TNIK: variants seen among roughly 807,000 people sequenced by gnomAD.
The protein encoded by TNIK is TRAF2 and NCK interacting kinase.
In TNIK, 49 loss-of-function variants were observed where a neutral mutation model predicts 191.3. That is an observed-to-expected ratio of 0.26 (90% CI 0.20 to 0.32). The LOEUF is 0.32. Ranked by LOEUF, TNIK falls within the 10% of genes least tolerant of loss-of-function variation. The pLI is 1.00. For missense variants in TNIK, 1,155 were observed against 1,702.3 expected (o/e 0.68, Z 5.66); for synonymous variants, 594 against 600.9 (o/e 0.99, Z 0.17).
chr3:171,116,284 G>T (rs546150341), intron 18 of TNIK, among the ~76,000 whole-genome samples: 2 of 152,318 alleles, frequency 1.3e-5, no homozygotes, highest in Admixed American at 1.3e-4. Flanking sequence ...AGAATCCCAT[G>T]AAATAATAGA....
chr3:171,358,802 A>G (rs1004686876), intron 2 of TNIK, among the ~76,000 whole-genome samples: 9 of 152,190 alleles, frequency 5.9e-5, no homozygotes, highest in African/African-American at 1.7e-4. Context: ...AGGAACGCCA[A>G]CGTAAGGACA....
At chr3:171,103,703 TAAAGAGA>T (rs1723995982) in intron 21 of TNIK, among the ~76,000 whole-genome samples, 1 of 152,236 alleles carries the variant, frequency 6.6e-6, no homozygotes, top group African/African-American at 2.4e-5. Flanking sequence ...TTATATAATT[TAAAGAGA>T]GAATATGGTT....
chr3:171,342,327 C>T (rs1262472175), intron 2 of TNIK, among the ~76,000 whole-genome samples: 1 of 152,170 alleles, frequency 6.6e-6, no homozygotes, highest in African/African-American at 2.4e-5. Context: ...ATTTTGAGAA[C>T]CACTGGTCTA....
chr3:171,438,077 A>G (rs1428836278), intron 1 of TNIK, among the ~76,000 whole-genome samples: 3 of 152,216 alleles, frequency 2.0e-5, no homozygotes, highest in Admixed American at 6.5e-5. Context: ...CTTGTCGCCA[A>G]TAAAAATTCA....
At chr3:171,116,221 GC>G (rs1461784374) in intron 18 of TNIK, among the ~76,000 whole-genome samples, 5 of 152,070 alleles carry the variant, frequency 3.3e-5, no homozygotes, top group East Asian at 1.9e-4. Context: ...AAATGATCTG[GC>G]CTTGGGGCTG....
chr3:171,298,809 A>G (rs1752590247), intron 2 of TNIK, among the ~76,000 whole-genome samples: 1 of 152,252 alleles, frequency 6.6e-6, no homozygotes. Context: ...CCTGAAAAAA[A>G]TAATGTGTAA....
At position 171,159,106 on chromosome 3, in the gene TNIK, T is replaced by A. The variant is rs541476763; in HGVS notation, c.1017-1442A>T. Among the ~76,000 whole-genome samples the A allele has an allele frequency of 6.6e-6, 1 of 152,240 alleles. No individual in the cohort carries two copies. The highest frequency in any genetic ancestry group is 2.4e-5 in the African/African-American group (1 of 41,536). ...CAGATGGGTTTGGCTGCTAAATGGA[T>A]GACCTAGCGAGGGGTACAGGGGCAA... On this transcript the variant is annotated intron_variant, in intron 11 of 32. Transcript: ENST00000436636. This position sits in a 1 kb window ranked among gnomAD's most constrained non-coding sequence, Gnocchi z 4.1.
chr3:171,300,046 T>A (rs1233065500), intron 2 of TNIK, among the ~76,000 whole-genome samples: 1 of 152,222 alleles, frequency 6.6e-6, no homozygotes, highest in Non-Finnish European at 1.5e-5. Context: ...TACAAACTAC[T>A]AAACATCAGG....
intron 2 of TNIK, among the ~76,000 whole-genome samples, chr3:171,339,398 T>G (rs1757293760): frequency 6.6e-6 from 1 of 152,238 alleles, no homozygotes; most frequent in African/African-American, 2.4e-5. Flanking sequence ...CTTGTTCCCT[T>G]TACCTGAGTC....
chr3:171,085,089 T>C, intron 25 of TNIK, 29 bp downstream of exon 25: 2 of 1,565,468 alleles, frequency 1.3e-6, no homozygotes, highest in Non-Finnish European at 1.7e-6. Context: ...ACGAAGCTGT[T>C]TTTTAAACAC....
chr3:171,338,640 C>T (rs1413276337), intron 2 of TNIK, among the ~76,000 whole-genome samples: 1 of 151,574 alleles, frequency 6.6e-6, no homozygotes, highest in Non-Finnish European at 1.5e-5. Flanking sequence ...AGGCATGTAC[C>T]ACCATGCTCA....
chr3:171,207,558 G>T (rs1190948156), intron 4 of TNIK, among the ~76,000 whole-genome samples: 1 of 152,014 alleles, frequency 6.6e-6, no homozygotes, highest in East Asian at 1.9e-4. Flanking sequence ...AAAAAGTCAG[G>T]ATACCCGTTT....
chr3:171,180,471 G>A (rs1336202202), intron 7 of TNIK, among the ~76,000 whole-genome samples: 1 of 152,160 alleles, frequency 6.6e-6, no homozygotes, highest in Admixed American at 6.5e-5. Context: ...AAGAACCTAA[G>A]AGCCACAGGG....
chr3:171,067,445 C>T (rs1004239022), intron 30 of TNIK, among the ~76,000 whole-genome samples: 4 of 151,750 alleles, frequency 2.6e-5, no homozygotes, highest in African/African-American at 4.8e-5. Context: ...CCGAGGCGGG[C>T]GGATCACGAC....
At chr3:171,201,291 C>T (rs144537311) in intron 4 of TNIK, among the ~76,000 whole-genome samples, 214 of 152,102 alleles carry the variant, frequency 1.4e-3, no homozygotes, top group African/African-American at 4.9e-3. Flanking sequence ...CCCAGCTACT[C>T]GGGAGGCTGA....
intron 18 of TNIK, among the ~76,000 whole-genome samples, chr3:171,113,402 G>A (rs568626785): frequency 4.6e-5 from 7 of 152,158 alleles, no homozygotes; most frequent in East Asian, 3.9e-4. Flanking sequence ...TCAGGAGATC[G>A]AGACCATCCT....
intron 1 of TNIK, among the ~76,000 whole-genome samples, chr3:171,396,660 A>G (rs1266721249): frequency 6.6e-6 from 1 of 152,240 alleles, no homozygotes; most frequent in Non-Finnish European, 1.5e-5. Context: ...GTAGTTACAC[A>G]TCAATTATTC....
At chr3:171,328,971 T>G (rs992822592) in intron 2 of TNIK, among the ~76,000 whole-genome samples, 3 of 152,170 alleles carry the variant, frequency 2.0e-5, no homozygotes, top group Non-Finnish European at 4.4e-5. Context: ...TACTTGTTAT[T>G]TCTGTAATCT....
At chr3:171,171,182 C>A (rs751610333) in intron 9 of TNIK, among the ~76,000 whole-genome samples, 3 of 152,168 alleles carry the variant, frequency 2.0e-5, no homozygotes, top group African/African-American at 7.2e-5. Flanking sequence ...GAAGCCTGCA[C>A]AAACAGGTTA....
Sources: allele counts gnomAD v4.1 joint callset (sites outside exome capture counted in the v4.1 genomes callset), GRCh38; gene constraint gnomAD v4.1.1; non-coding constraint Gnocchi (gnomAD v3.1); transcripts MANE v1.5; gene names NCBI Gene and HGNC (gene_info 2026-07-23, HGNC 2026-07-21).